The following TNRC18 variants were observed in gnomAD, a reference collection of about 807,000 sequenced individuals.
The protein encoded by TNRC18 is trinucleotide repeat containing 18, also known as trinucleotide repeat-containing gene 18 protein.
A neutral mutation model predicts 226.7 loss-of-function variants in TNRC18; 69 were observed. The ratio of observed to expected loss-of-function variants is 0.30; its 90% CI spans 0.25 to 0.37. The LOEUF is 0.37. Ranked by LOEUF, TNRC18 falls within the 10% of genes least tolerant of loss-of-function variation. The pLI is 1.00. For missense variants in TNRC18, 4,754 were observed against 4,256.6 expected, an observed-to-expected ratio of 1.12 and a Z score of -3.25; for synonymous variants, 2,449 against 1,927.6, an observed-to-expected ratio of 1.27 and a Z score of -7.09.
At chr7:5,395,777 G>A (rs1176025903) in intron 2 of TNRC18, among the ~76,000 whole-genome samples, 3 of 152,214 alleles carry the variant, frequency 2.0e-5, no homozygotes, top group African/African-American at 7.2e-5. Flanking sequence ...GAATCACAAG[G>A]TCAGGAGTTA....
intron 16 of TNRC18, among the ~76,000 whole-genome samples, chr7:5,354,855 A>C (rs1253411688): frequency 1.3e-5 from 2 of 152,186 alleles, no homozygotes; most frequent in Non-Finnish European, 1.5e-5. Context: ...AGGTGACGAT[A>C]TCTTAACTCT....
chr7:5,383,678 C>A (rs944886250), intron 5 of TNRC18, among the ~76,000 whole-genome samples: 1 of 152,166 alleles, frequency 6.6e-6, no homozygotes, highest in Non-Finnish European at 1.5e-5. Flanking sequence ...CGTCCCAGGG[C>A]GTCTCTCTCC....
chr7:5,395,941 G>A (rs1302874928), intron 2 of TNRC18, among the ~76,000 whole-genome samples: 1 of 151,430 alleles, frequency 6.6e-6, no homozygotes, highest in African/African-American at 2.4e-5. Flanking sequence ...AGGTTGCAGT[G>A]AGCTGAGATC....
intron 11 of TNRC18, among the ~76,000 whole-genome samples, chr7:5,366,080 C>T (rs1196289750): frequency 6.6e-6 from 1 of 152,028 alleles, no homozygotes; most frequent in Non-Finnish European, 1.5e-5. Flanking sequence ...ACTAATGATG[C>T]TGCTGAGGGG....
At chr7:5,333,503 G>A (rs934178547) in intron 18 of TNRC18, among the ~76,000 whole-genome samples, 1 of 152,092 alleles carries the variant, frequency 6.6e-6, no homozygotes, top group Admixed American at 6.5e-5. Flanking sequence ...GTGGTCCCAG[G>A]AATCGTCCAC....
At chr7:5,361,823 G>T in intron 13 of TNRC18, 74 bp downstream of exon 13, 1 of 1,512,360 alleles carries the variant, frequency 6.6e-7, no homozygotes, top group Non-Finnish European at 8.8e-7. Flanking sequence ...CGCACACCTC[G>T]ACGGCTGCTG....
intron 15 of TNRC18, among the ~76,000 whole-genome samples, chr7:5,358,855 CTT>C (rs2128157422): frequency 6.6e-6 from 1 of 152,136 alleles, no homozygotes; most frequent in African/African-American, 2.4e-5. Flanking sequence ...TTGCACTGGA[CTT>C]TATGGGGAGG....
In TNRC18 at chr7:5,351,946, G is replaced by A. The variant is rs1002766618; in HGVS notation, c.5343C>T (p.Gly1781=). The change falls in exon 17 of 30, where the codon GGC becomes GGT. Residue 1781 remains glycine (G), a synonymous_variant. Coordinates refer to ENST00000430969, the MANE Select transcript of TNRC18 (RefSeq NM_001080495.3). The part of the protein sequence containing the change: ...AAGGPKLTKR[G]LAAPRTLKPK... ...GTTTCAGAGTCCGGGGGGCCGCCAGGCCCCTCTTGGTCAGCTTGGGGCCAC... is the reference window on the plus strand; with the variant it reads ...GTTTCAGAGTCCGGGGGGCCGCCAGACCCCTCTTGGTCAGCTTGGGGCCAC... 1 of 1,613,832 alleles carries A rather than the reference G, an allele frequency of 6.2e-7. No individual in the cohort carries two copies. The highest frequency in any genetic ancestry group is 1.3e-5 in the African/African-American group (1 of 75,042).
chr7:5,356,539 G>A (rs1792406011), intron 16 of TNRC18, among the ~76,000 whole-genome samples: 2 of 152,344 alleles, frequency 1.3e-5, no homozygotes, highest in South Asian at 4.1e-4. Flanking sequence ...CGCGCTCCAG[G>A]CCTCTCTAGG....
chr7:5,363,866 A>G (rs1484438640), intron 11 of TNRC18, among the ~76,000 whole-genome samples: 3 of 152,084 alleles, frequency 2.0e-5, no homozygotes, highest in African/African-American at 7.2e-5. Flanking sequence ...TGTAAAAAAA[A>G]AAGACAGCCC....
At position 5,307,671 on chromosome 7, in the gene TNRC18, G is replaced by C; in HGVS notation, c.*435C>G. 1 of 346,850 alleles carries C rather than the reference G, an allele frequency of 2.9e-6. No homozygotes were observed. Among genetic ancestry groups the C allele is most frequent in the South Asian group, 2.1e-5 (1 of 47,596 alleles). The allele number at this position is 346,850 out of a possible 1,614,324, so 21.5% of individuals were successfully genotyped here. ...GGCCTTGGGGTGGGCTCCATGCTAA[G>C]GGTGCTTGGGAAGCCCAGAGTGAGC... On this transcript the variant is annotated 3_prime_UTR_variant, in exon 30 of 30. Coordinates refer to ENST00000430969, the MANE Select transcript of TNRC18 (RefSeq NM_001080495.3).
intron 1 of TNRC18, 78 bp downstream of exon 1, chr7:5,423,363 C>G (rs2128227387): frequency 6.6e-6 from 1 of 152,298 alleles, no homozygotes; most frequent in East Asian, 1.9e-4. Context: ...GAGGGGCAGG[C>G]GTGGTTGGGG....
intron 2 of TNRC18, among the ~76,000 whole-genome samples, chr7:5,405,839 G>A (rs577360186): frequency 6.6e-6 from 1 of 152,186 alleles, no homozygotes; most frequent in Admixed American, 6.5e-5. Context: ...CAAGGCAGGA[G>A]GATCACTTGA....
At position 5,340,020 on chromosome 7, in the gene TNRC18, A is replaced by G. The variant is rs139221727; in HGVS notation, c.5719+5542T>C. Among the ~76,000 whole-genome samples, 517 of 152,298 alleles carry G rather than the reference A, an allele frequency of 3.4e-3. 6 individuals are homozygous for G. The highest frequency in any genetic ancestry group is 0.012 in the African/African-American group (489 of 41,558). ...AAATTAGGTCAATTAATAATCCTACAATGGCCTCTAAATGTTCAAGTGAAT... is the reference window on the plus strand; with the variant it reads ...AAATTAGGTCAATTAATAATCCTACGATGGCCTCTAAATGTTCAAGTGAAT... On this transcript the variant is annotated intron_variant, in intron 18 of 29. Coordinates refer to ENST00000430969, the MANE Select transcript of TNRC18 (RefSeq NM_001080495.3).
In TNRC18 at chr7:5,357,316, A is replaced by C; in HGVS notation, c.4834-40T>G. ...TGGGTCATGGGTTAAAAGATCTGAC[A>C]AAACAGTATAGTGGGTTTCAGTGCA... On this transcript the variant is annotated intron_variant, in intron 15 of 29. Coordinates refer to ENST00000430969, the MANE Select transcript of TNRC18 (RefSeq NM_001080495.3). 1.9e-6 allele frequency: 3 copies of C among 1,566,918 alleles called. No homozygotes were observed. In the East Asian group the frequency reaches 6.9e-5, roughly 36 times the overall value.
rs1792374896 is a variant in TNRC18 at position 5,356,372 on chromosome 7, T to G, written c.5194+544A>C. Among the ~76,000 whole-genome samples, 3 of 151,950 alleles carry G rather than the reference T, an allele frequency of 2.0e-5. No individual in the cohort carries two copies. In the South Asian group the frequency reaches 6.2e-4, roughly 32 times the overall value. The stretch of plus-strand genomic sequence containing the variant: ...ACTGTCAGAGCTGCCACAGACACAG[T>G]AACGCCAATGAACCCCTGCATCCAT... On this transcript the variant is annotated intron_variant, in intron 16 of 29. Coordinates refer to ENST00000430969, the MANE Select transcript of TNRC18 (RefSeq NM_001080495.3).
chr7:5,375,920 C>T, intron 9 of TNRC18, 114 bp downstream of exon 9: 1 of 1,084,402 alleles, frequency 9.2e-7, no homozygotes, highest in Non-Finnish European at 1.3e-6. Flanking sequence ...CCACCTGCCC[C>T]TCTGCTGTTT....
At position 5,361,600 on chromosome 7, in the gene TNRC18, C is replaced by T; in HGVS notation, c.4655G>A (p.Ser1552Asn). The change falls in exon 14 of 30, where the codon AGC becomes AAC. Residue 1552 changes from serine to asparagine, a missense_variant. Transcript: ENST00000430969. ...PRKRGKSGHS[S>N]GKLSSKSLLT... ...ACCGAGGGGCCAGCCTTACTTTCCGCTACTGTGGCCGCTCTTCCCTCTCTT... is the reference window on the plus strand; with the variant it reads ...ACCGAGGGGCCAGCCTTACTTTCCGTTACTGTGGCCGCTCTTCCCTCTCTT... The T allele has an allele frequency of 6.5e-7, 1 of 1,528,996 alleles. No individual in the cohort carries two copies. Among genetic ancestry groups the T allele is most frequent in the Non-Finnish European group, 8.8e-7 (1 of 1,138,048 alleles). 94.7% of individuals were successfully genotyped at this position (1,528,996 alleles called of 1,614,324 possible).
chr7:5,387,465 G>A (rs556847827), intron 5 of TNRC18, among the ~76,000 whole-genome samples: 72 of 152,330 alleles, frequency 4.7e-4, no homozygotes, highest in Admixed American at 1.8e-3. Context: ...ACAAAACATC[G>A]GAGAAGGAAC....
Sources: allele counts gnomAD v4.1 joint callset (sites outside exome capture counted in the v4.1 genomes callset), GRCh38; gene constraint gnomAD v4.1.1; transcripts MANE v1.5; gene names NCBI Gene and HGNC (gene_info 2026-07-23, HGNC 2026-07-21).